The following NRF1 variants were observed in gnomAD, a reference collection of about 807,000 sequenced individuals.
NRF1 encodes the protein nuclear respiratory factor 1.
NRF1 carries 5 observed loss-of-function variants against 58.5 expected under a neutral mutation model. That is an observed-to-expected ratio of 0.09 (90% CI 0.04 to 0.18). The LOEUF (loss-of-function observed/expected upper bound fraction) is 0.18. Among genes scored for constraint, NRF1 ranks in the 10% least tolerant of loss-of-function variants. The pLI is 1.00. For missense variants in NRF1, 288 were observed against 657.7 expected (o/e 0.44, Z 6.15); for synonymous variants, 224 against 246.7 (o/e 0.91, Z 0.86).
rs1234639994 is a variant in NRF1, at chr7:129,707,949, C to G, written c.607-1126C>G. ...AAGAATACCTGATATTTATAGAAAT[C>G]TTTAATATTAAAGTGTTGCTGTACT... On this transcript the variant is annotated intron_variant, in intron 5 of 10. Coordinates refer to ENST00000393232, the MANE Select transcript of NRF1 (RefSeq NM_005011.5). Among the ~76,000 whole-genome samples the G allele has an allele frequency of 2.0e-5, 3 of 152,122 alleles. No individual in the cohort carries two copies. The East Asian group carries it at 5.8e-4, about 29-fold the overall frequency.
At chr7:129,690,583 A>T (rs1282238434) in intron 5 of NRF1, 37 bp downstream of exon 5, 4 of 1,612,258 alleles carry the variant, frequency 2.5e-6, no homozygotes, top group Non-Finnish European at 3.4e-6. Flanking sequence ...CTCAAAGACA[A>T]GTGGCACAGG....
chr7:129,740,730 G>A (rs917983162), intron 10 of NRF1, among the ~76,000 whole-genome samples: 3 of 152,158 alleles, frequency 2.0e-5, no homozygotes, highest in African/African-American at 7.2e-5. Context: ...TAGGTTCCTT[G>A]TGTAGTCTGC....
chr7:129,724,064 C>G (rs761525808), intron 9 of NRF1, among the ~76,000 whole-genome samples: 1 of 152,164 alleles, frequency 6.6e-6, no homozygotes, highest in Non-Finnish European at 1.5e-5. Flanking sequence ...TACGAAAATT[C>G]TTAAAATGTG....
At chr7:129,629,097 T>C (rs1800989660) in intron 1 of NRF1, among the ~76,000 whole-genome samples, 1 of 152,216 alleles carries the variant, frequency 6.6e-6, no homozygotes, top group South Asian at 2.1e-4. Context: ...GCAAAAAATA[T>C]TGTCAGTTGT....
chr7:129,737,180 C>T (rs886950429), intron 10 of NRF1, among the ~76,000 whole-genome samples: 4 of 152,216 alleles, frequency 2.6e-5, no homozygotes, highest in African/African-American at 7.2e-5. Context: ...GCTTGCCTTT[C>T]GCAGATGAAG....
chr7:129,653,102 G>A (rs964929818), intron 1 of NRF1, among the ~76,000 whole-genome samples: 4 of 152,038 alleles, frequency 2.6e-5, no homozygotes, highest in Non-Finnish European at 4.4e-5. Context: ...AGCCCCTGGC[G>A]ACTAATAGTC....
chr7:129,630,283 AT>A (rs1206152488), intron 1 of NRF1: 1 of 152,248 alleles, frequency 6.6e-6, no homozygotes, highest in Non-Finnish European at 1.5e-5. Flanking sequence ...GTAAATGCAA[AT>A]GATGAAATAA....
chr7:129,738,144 A>C (rs1803762569), intron 10 of NRF1, among the ~76,000 whole-genome samples: 1 of 152,258 alleles, frequency 6.6e-6, no homozygotes, highest in Non-Finnish European at 1.5e-5. Flanking sequence ...TTCTGTAAGA[A>C]AAAGCAAATG....
Position 129,682,502 on chromosome 7 carries a change from A to G in NRF1, c.465+4744A>G, listed in dbSNP as rs1265945145. On this transcript the variant is annotated intron_variant, in intron 4 of 10. Coordinates refer to ENST00000393232, the MANE Select transcript of NRF1 (RefSeq NM_005011.5). Reference sequence around the variant, plus strand: ...ACAAAAAAACCCCGCAATGATAGTAAGAGGATTTACTATCCTTGCCAGATC... The same window carrying G: ...ACAAAAAAACCCCGCAATGATAGTAGGAGGATTTACTATCCTTGCCAGATC... Among the ~76,000 whole-genome samples, 6 of 151,946 alleles carry G rather than the reference A, an allele frequency of 3.9e-5. No individual in the cohort carries two copies. The East Asian group carries it at 7.7e-4, about 20-fold the overall frequency.
intron 2 of NRF1, among the ~76,000 whole-genome samples, chr7:129,667,425 C>G (rs367618421): frequency 2.0e-5 from 3 of 152,092 alleles, no homozygotes; most frequent in Non-Finnish European, 4.4e-5. Flanking sequence ...CTGTTTATAC[C>G]TTTGCCCATT....
intron 4 of NRF1, among the ~76,000 whole-genome samples, chr7:129,683,318 TGTGAGAGAGAGA>T (rs1450095339): frequency 1.2e-3 from 162 of 140,640 alleles, no homozygotes; most frequent in African/African-American, 3.9e-3. Flanking sequence ...TGTGTGTGTG[TGTGAGAGAGAGA>T]GAGAGAGAGA....
intron 8 of NRF1, among the ~76,000 whole-genome samples, chr7:129,714,753 CT>C (rs1451604124): frequency 6.6e-6 from 1 of 152,174 alleles, no homozygotes; most frequent in Non-Finnish European, 1.5e-5. Flanking sequence ...CTCTGAGAGG[CT>C]TTTGGCAAAC....
chr7:129,649,623 A>G (rs1042903542), intron 1 of NRF1, among the ~76,000 whole-genome samples: 1 of 152,070 alleles, frequency 6.6e-6, no homozygotes, highest in Non-Finnish European at 1.5e-5. Context: ...GGCCAAGACA[A>G]TCTTTTTCTG....
chr7:129,754,454 C>A (rs1202967954), intron 10 of NRF1, among the ~76,000 whole-genome samples: 6 of 36,978 alleles, frequency 1.6e-4, no homozygotes, highest in Non-Finnish European at 3.3e-4. Context: ...CAGAGCCAGA[C>A]CCTGTCTCTT....
intron 5 of NRF1, among the ~76,000 whole-genome samples, chr7:129,692,539 C>T (rs947714136): frequency 2.0e-5 from 3 of 151,892 alleles, no homozygotes; most frequent in African/African-American, 4.8e-5. Context: ...GGTGACAGAG[C>T]GAGATCCTGC....
intron 5 of NRF1, among the ~76,000 whole-genome samples, chr7:129,699,796 G>A (rs1354486166): frequency 6.6e-6 from 1 of 151,770 alleles, no homozygotes. Flanking sequence ...TAGAAGTCAG[G>A]AGTTATCGTT....
intron 10 of NRF1, among the ~76,000 whole-genome samples, chr7:129,734,092 C>T (rs1803650014): frequency 6.6e-6 from 1 of 152,174 alleles, no homozygotes; most frequent in Non-Finnish European, 1.5e-5. Context: ...AGGACATCAA[C>T]ATACTTCTCA....
At chr7:129,751,677 TC>T (rs924376170) in intron 10 of NRF1, among the ~76,000 whole-genome samples, 5 of 151,586 alleles carry the variant, frequency 3.3e-5, no homozygotes, top group African/African-American at 1.2e-4. Flanking sequence ...AGGGACTTGT[TC>T]CCCAAGCCTG....
At chr7:129,691,654 C>A (rs771100762) in intron 5 of NRF1, among the ~76,000 whole-genome samples, 1 of 152,080 alleles carries the variant, frequency 6.6e-6, no homozygotes, top group Non-Finnish European at 1.5e-5. Context: ...CACACCCAGC[C>A]CACCCTATTT....
Sources: gnomAD v4.1 joint callset for allele counts (sites outside exome capture counted in the v4.1 genomes callset) on GRCh38, gnomAD v4.1.1 for gene constraint, MANE v1.5 for transcripts, NCBI Gene and HGNC (gene_info 2026-07-23, HGNC 2026-07-21) for gene names.